DGKB: variants seen among roughly 807,000 people sequenced by gnomAD.
The protein encoded by DGKB is 90 kDa diacylglycerol kinase.
DGKB carries 67 observed loss-of-function variants against 114.3 expected under a neutral mutation model. The ratio of observed to expected loss-of-function variants is 0.59; its 90% CI spans 0.48 to 0.72. DGKB has a LOEUF of 0.72. Ranked by LOEUF, DGKB falls within the 30% of genes least tolerant of loss-of-function variation. The pLI, the probability that DGKB is intolerant of heterozygous loss-of-function variation, is 0.00. For synonymous variants in DGKB, 398 were observed against 323.1 expected, an observed-to-expected ratio of 1.23 and a Z score of -2.49; for missense variants, 907 against 975.2, an observed-to-expected ratio of 0.93 and a Z score of 0.93.
intron 23 of DGKB, among the ~76,000 whole-genome samples, chr7:14,266,051 G>T (rs563147839): frequency 6.6e-6 from 1 of 152,150 alleles, no homozygotes; most frequent in Non-Finnish European, 1.5e-5. Context: ...GCATGTTAGT[G>T]CTACATAAAA....
intron 20 of DGKB, among the ~76,000 whole-genome samples, chr7:14,548,394 G>A (rs974822782): frequency 6.6e-6 from 1 of 152,196 alleles, no homozygotes; most frequent in African/African-American, 2.4e-5. Context: ...TGAGTGGCAA[G>A]CCCAGTTTGG....
intron 15 of DGKB, among the ~76,000 whole-genome samples, chr7:14,616,620 T>C (rs146176337): frequency 3.0e-4 from 45 of 151,852 alleles, no homozygotes; most frequent in African/African-American, 1.0e-3. Flanking sequence ...GAAGTACATA[T>C]ATTTATACAG....
At chr7:14,256,812 G>C (rs563938955) in intron 23 of DGKB, among the ~76,000 whole-genome samples, 4 of 147,606 alleles carry the variant, frequency 2.7e-5, no homozygotes, top group African/African-American at 7.4e-5. Context: ...GGGTGAGCAA[G>C]GGCCAGGGCC....
At chr7:14,420,608 A>C (rs888429323) in intron 21 of DGKB, among the ~76,000 whole-genome samples, 1 of 152,002 alleles carries the variant, frequency 6.6e-6, no homozygotes, top group African/African-American at 2.4e-5. Context: ...TATTGTCCTA[A>C]ATCTATCCCA....
At chr7:14,850,678 G>GA (rs1209350658) in intron 1 of DGKB, among the ~76,000 whole-genome samples, 1 of 152,068 alleles carries the variant, frequency 6.6e-6, no homozygotes. Context: ...GTGAATATAT[G>GA]AAAAAATTAC....
intron 20 of DGKB, among the ~76,000 whole-genome samples, chr7:14,568,497 A>G (rs1797918698): frequency 1.3e-5 from 2 of 152,110 alleles, no homozygotes; most frequent in African/African-American, 4.8e-5. Flanking sequence ...GGGCCCACTA[A>G]AAAAAATCCA....
chr7:14,945,219 G>A (rs1055317772), intron 1 of DGKB, among the ~76,000 whole-genome samples: 10 of 151,688 alleles, frequency 6.6e-5, no homozygotes, highest in African/African-American at 2.4e-4. Flanking sequence ...GCATAACGCT[G>A]AGAAAGATAA....
chr7:14,883,723 A>G (rs1854593152), intron 1 of DGKB, among the ~76,000 whole-genome samples: 1 of 151,996 alleles, frequency 6.6e-6, no homozygotes, highest in South Asian at 2.1e-4. Flanking sequence ...CTTAATTGGC[A>G]TTTTGCACAC....
intron 17 of DGKB, among the ~76,000 whole-genome samples, chr7:14,605,366 C>CTATATA (rs145563580): frequency 1.0e-4 from 15 of 146,602 alleles, no homozygotes; most frequent in Non-Finnish European, 1.8e-4. Context: ...TATATATATA[C>CTATATA]TATATATATA....
At chr7:14,346,350 A>G (rs543017636) in intron 21 of DGKB, among the ~76,000 whole-genome samples, 3 of 152,072 alleles carry the variant, frequency 2.0e-5, no homozygotes, top group Admixed American at 6.6e-5. Context: ...GTTAAATCCA[A>G]TAGAGTGCTT....
chr7:14,608,365 A>C lies in DGKB; in HGVS notation c.1359-857T>G, dbSNP rs1371570754. Among the ~76,000 whole-genome samples the C allele has an allele frequency of 3.9e-5, 6 of 152,066 alleles. No homozygotes were observed. In the Admixed American group the frequency reaches 3.9e-4, roughly 10 times the overall value. On this transcript the variant is annotated intron_variant, in intron 16 of 25. Coordinates refer to ENST00000402815, the MANE Select transcript of DGKB (RefSeq NM_001350709.2). ...ATAATTATCTCAATAGATGCAGAAA[A>C]AGCATTTAATAAAATACAAAATCCT... is the stretch of plus-strand genomic sequence containing the variant.
chr7:14,459,568 G>C (rs939200859), intron 21 of DGKB, among the ~76,000 whole-genome samples: 1 of 151,976 alleles, frequency 6.6e-6, no homozygotes, highest in African/African-American at 2.4e-5. Context: ...GAATGAAAAG[G>C]AATGAACAAA....
chr7:14,861,758 T>C (rs1015135553), intron 1 of DGKB, among the ~76,000 whole-genome samples: 5 of 152,066 alleles, frequency 3.3e-5, no homozygotes, highest in Non-Finnish European at 7.4e-5. Flanking sequence ...CTCAGTATTA[T>C]GTTTTTTGAG....
At chr7:14,569,467 A>C (rs1316951529) in intron 20 of DGKB, among the ~76,000 whole-genome samples, 2 of 152,200 alleles carry the variant, frequency 1.3e-5, no homozygotes, top group African/African-American at 4.8e-5. Context: ...TATGAGGTAG[A>C]GTTCTAACAA....
chr7:14,527,263 G>A (rs73287728), intron 20 of DGKB, among the ~76,000 whole-genome samples: 6,117 of 152,146 alleles, frequency 0.04, 302 homozygotes, highest in African/African-American at 0.11. Context: ...TCTTTTATTG[G>A]AAACAGTTCA....
chr7:14,767,378 T>C (rs1349901762), intron 2 of DGKB, among the ~76,000 whole-genome samples: 1 of 151,800 alleles, frequency 6.6e-6, no homozygotes, highest in Non-Finnish European at 1.5e-5. Flanking sequence ...CTATTTGTCA[T>C]GACATCATTA....
chr7:14,703,461 T>C (rs569712159), intron 6 of DGKB, among the ~76,000 whole-genome samples: 6 of 152,196 alleles, frequency 3.9e-5, no homozygotes, highest in Non-Finnish European at 8.8e-5. Context: ...AAAATCACAC[T>C]TTATGAAGAG....
intron 1 of DGKB, among the ~76,000 whole-genome samples, chr7:14,873,406 A>C (rs1472907366): frequency 6.6e-6 from 1 of 152,062 alleles, no homozygotes; most frequent in African/African-American, 2.4e-5. Context: ...TAAAACATGG[A>C]ATTTAATTTT....
chr7:14,889,900 A>T (rs1053997559), intron 1 of DGKB, among the ~76,000 whole-genome samples: 1 of 151,572 alleles, frequency 6.6e-6, no homozygotes, highest in Non-Finnish European at 1.5e-5. Flanking sequence ...AAGTTTTTCA[A>T]TTATTTTTCT....
Sources: allele counts gnomAD v4.1 joint callset (sites outside exome capture counted in the v4.1 genomes callset), GRCh38; gene constraint gnomAD v4.1.1; transcripts MANE v1.5; gene names NCBI Gene and HGNC (gene_info 2026-07-23, HGNC 2026-07-21).